Variants in UNC5C observed in about 807,000 individuals in gnomAD.
The protein encoded by UNC5C is netrin receptor UNC5C.
UNC5C carries 47 observed loss-of-function variants against 99.8 expected under a neutral mutation model. The observed-to-expected ratio is 0.47, with a 90% CI of 0.37 to 0.60. UNC5C has a LOEUF of 0.60. Ranked by LOEUF, UNC5C falls within the 20% of genes least tolerant of loss-of-function variation. UNC5C has a pLI of 0.00. For missense variants in UNC5C, 1,062 were observed against 1,165.9 expected, an observed-to-expected ratio of 0.91 and a Z score of 1.30; for synonymous variants, 487 against 452.2, an observed-to-expected ratio of 1.08 and a Z score of -0.98.
chr4:95,307,820 A>G (rs1005650738), intron 2 of UNC5C, among the ~76,000 whole-genome samples: 7 of 152,224 alleles, frequency 4.6e-5, no homozygotes, highest in Admixed American at 4.6e-4. Context: ...TTCAACATTT[A>G]CAAATCGATC....
intron 1 of UNC5C, among the ~76,000 whole-genome samples, chr4:95,418,728 C>T (rs115612762): frequency 6.6e-6 from 1 of 152,280 alleles, no homozygotes; most frequent in African/African-American, 2.4e-5. Context: ...TTACATAGAA[C>T]ATGTGAAGCT....
At chr4:95,485,983 T>C (rs1721318222) in intron 1 of UNC5C, among the ~76,000 whole-genome samples, 1 of 151,726 alleles carries the variant, frequency 6.6e-6, no homozygotes, top group Non-Finnish European at 1.5e-5. Flanking sequence ...AATGATTTTA[T>C]AAATTTATGT....
chr4:95,326,347 T>C (rs2621462), intron 2 of UNC5C, among the ~76,000 whole-genome samples: 119,943 of 151,960 alleles, frequency 0.79, 47,812 homozygotes, highest in East Asian at 1. Flanking sequence ...TGCTTCTTCA[T>C]AGAGAAAAAA....
At chr4:95,270,098 G>A (rs1373482333) in intron 4 of UNC5C, among the ~76,000 whole-genome samples, 1 of 152,124 alleles carries the variant, frequency 6.6e-6, no homozygotes, top group East Asian at 1.9e-4. Context: ...AATTGCTCCG[G>A]AGTTTGAAGT....
chr4:95,394,878 C>T (rs1579381117), intron 1 of UNC5C, among the ~76,000 whole-genome samples: 1 of 152,034 alleles, frequency 6.6e-6, no homozygotes, highest in East Asian at 1.9e-4. Flanking sequence ...CCAAAAACAA[C>T]AGGCTGTGAA....
At chr4:95,241,914 A>G (rs780654749) in intron 7 of UNC5C, among the ~76,000 whole-genome samples, 8 of 152,200 alleles carry the variant, frequency 5.3e-5, no homozygotes, top group Admixed American at 2.0e-4. Context: ...TCATACCCGC[A>G]TTATAATTTC....
At chr4:95,433,208 T>A (rs1746680991) in intron 1 of UNC5C, among the ~76,000 whole-genome samples, 1 of 152,110 alleles carries the variant, frequency 6.6e-6, no homozygotes, top group Admixed American at 6.6e-5. Flanking sequence ...GATTTGATAG[T>A]TTAAGTAATG....
chr4:95,346,469 A>G (rs1743777491), intron 1 of UNC5C, among the ~76,000 whole-genome samples: 1 of 152,058 alleles, frequency 6.6e-6, no homozygotes, highest in Non-Finnish European at 1.5e-5. Flanking sequence ...CCAGAAGGAC[A>G]TACGGAAGAA....
chr4:95,448,332 C>T (rs1374236296), intron 1 of UNC5C, among the ~76,000 whole-genome samples: 1 of 151,522 alleles, frequency 6.6e-6, no homozygotes, highest in African/African-American at 2.4e-5. Context: ...ACACATGCAA[C>T]ATTTGAAAAG....
chr4:95,297,422 T>C (rs554067418), intron 3 of UNC5C, among the ~76,000 whole-genome samples: 1 of 152,362 alleles, frequency 6.6e-6, no homozygotes, highest in African/African-American at 2.4e-5. Flanking sequence ...GAATTCTTTA[T>C]AACAGTTTTA....
At chr4:95,194,112 T>TTCCA (rs56855744) in intron 12 of UNC5C, among the ~76,000 whole-genome samples, 6,672 of 152,270 alleles carry the variant, frequency 0.044, 246 homozygotes, top group African/African-American at 0.097. Flanking sequence ...GAGCTGCCAC[T>TTCCA]TCCAGCCTGC....
intron 1 of UNC5C, among the ~76,000 whole-genome samples, chr4:95,448,263 A>AGAGAGAGAGAGAGAGAGAGAGC (rs1420042351): frequency 7.2e-6 from 1 of 139,098 alleles, no homozygotes; most frequent in Non-Finnish European, 1.6e-5. Flanking sequence ...AGAGAGAGAG[A>AGAGAGAGAGAGAGAGAGAGAGC]AAGCCTGATT....
chr4:95,368,508 G>A (rs1408156884), intron 1 of UNC5C, among the ~76,000 whole-genome samples: 1 of 152,132 alleles, frequency 6.6e-6, no homozygotes, highest in African/African-American at 2.4e-5. Context: ...TCTGATGACA[G>A]CTAATGTATA....
chr4:95,486,163 A>T (rs1721322628), intron 1 of UNC5C, among the ~76,000 whole-genome samples: 1 of 151,764 alleles, frequency 6.6e-6, no homozygotes, highest in African/African-American at 2.4e-5. Flanking sequence ...AAAATAAAAC[A>T]TATATTTTTA....
intron 1 of UNC5C, among the ~76,000 whole-genome samples, chr4:95,356,280 GTCTTA>G (rs1744200907): frequency 7.2e-6 from 1 of 138,896 alleles, no homozygotes; most frequent in African/African-American, 2.8e-5. Context: ...AATTGTTTTT[GTCTTA>G]TCTTAGTTCT....
At chr4:95,343,491 G>A (rs1207665849) in intron 1 of UNC5C, among the ~76,000 whole-genome samples, 1 of 151,996 alleles carries the variant, frequency 6.6e-6, no homozygotes, top group East Asian at 1.9e-4. Context: ...TAGCTGGAGT[G>A]ACCAAAAACT....
chr4:95,480,062 C>A (rs1053657353), intron 1 of UNC5C, among the ~76,000 whole-genome samples: 1 of 151,522 alleles, frequency 6.6e-6, no homozygotes, highest in Non-Finnish European at 1.5e-5. Flanking sequence ...TGTCTTGGAA[C>A]CTAGACTGGA....
At chr4:95,205,603 C>T (rs922926108) in intron 11 of UNC5C, among the ~76,000 whole-genome samples, 11 of 152,084 alleles carry the variant, frequency 7.2e-5, no homozygotes, top group Non-Finnish European at 1.5e-5. Flanking sequence ...TAAGTAATCA[C>T]AAAGCATATA....
chr4:95,505,039 A>G (rs1458870639), intron 1 of UNC5C, among the ~76,000 whole-genome samples: 1 of 152,152 alleles, frequency 6.6e-6, no homozygotes, highest in African/African-American at 2.4e-5. Flanking sequence ...AATAAAAATG[A>G]CAACGCTATA....
Sources: gnomAD v4.1 joint callset for allele counts (sites outside exome capture counted in the v4.1 genomes callset) on GRCh38, gnomAD v4.1.1 for gene constraint, MANE v1.5 for transcripts, NCBI Gene and HGNC (gene_info 2026-07-23, HGNC 2026-07-21) for gene names.